SAMD12: variants seen among roughly 807,000 people sequenced by gnomAD.
SAMD12 encodes the protein sterile alpha motif domain-containing protein 12.
SAMD12 carries 9 observed loss-of-function variants against 15.0 expected under a neutral mutation model. That is an observed-to-expected ratio of 0.60 (90% CI 0.36 to 1.05). SAMD12 has a LOEUF of 1.05. Ranked by LOEUF, SAMD12 falls within the 50% of genes least tolerant of loss-of-function variation. The probability of loss-of-function intolerance (pLI) is 0.01; values close to 1 mark genes in which losing one functional copy is unlikely to be tolerated. For synonymous variants in SAMD12, 86 were observed against 90.1 expected (o/e 0.96, Z 0.25); for missense variants, 230 against 234.2 (o/e 0.98, Z 0.12).
chr8:118,411,804 C>CTG (rs997228580), intron 3 of SAMD12, among the ~76,000 whole-genome samples: 2 of 152,066 alleles, frequency 1.3e-5, no homozygotes, highest in African/African-American at 4.8e-5. Context: ...GCTAAAAACA[C>CTG]TGTGTGACAA....
At chr8:118,272,914 G>C (rs1813400491) in intron 4 of SAMD12, among the ~76,000 whole-genome samples, 1 of 152,198 alleles carries the variant, frequency 6.6e-6, no homozygotes, top group African/African-American at 2.4e-5. Flanking sequence ...TGTGTAGGAA[G>C]TTCCAAATGT....
In SAMD12 at chr8:118,293,018, A is replaced by T. The variant is rs374068255; in HGVS notation, c.433+86542T>A. Among the ~76,000 whole-genome samples, 1,007 of 152,148 alleles carry T rather than the reference A, an allele frequency of 6.6e-3. 13 individuals carry two copies. Among genetic ancestry groups the T allele is most frequent in the African/African-American group, 0.023 (960 of 41,524 alleles). On this transcript the variant is annotated intron_variant, in intron 4 of 4. Transcript: ENST00000409003. ...TATACATATGTAACTAACCTGCACA[A>T]TGTGCACATGTACCCTAAAACTTAA...
rs534801561 is a variant in SAMD12 at position 118,226,996 on chromosome 8, C to T, written c.434-29264G>A. ...ATAGGCTTTCAGGGCTACTATTCAA[C>T]CTAGCAGTCCAATTACTGGGTATAT... is the stretch of plus-strand genomic sequence containing the variant. On this transcript the variant is annotated intron_variant, in intron 4 of 4. Transcript: ENST00000409003. 2.6e-5 allele frequency among the ~76,000 whole-genome samples: 4 copies of T among 152,274 alleles called. No homozygotes were observed. In the South Asian group the frequency reaches 6.2e-4, roughly 24 times the overall value.
intron 4 of SAMD12, among the ~76,000 whole-genome samples, chr8:118,220,982 T>C (rs1308759826): frequency 6.6e-6 from 1 of 151,920 alleles, no homozygotes; most frequent in African/African-American, 2.4e-5. Context: ...AATACGAAGA[T>C]ATGAAGGCCT....
Position 118,439,855 on chromosome 8 carries a change from G to T in SAMD12, c.299C>A (p.Ser100Ter). The change falls in exon 3 of 4, where the codon TCA becomes TAA. Residue 100 changes from serine to a stop codon, truncating the protein, a stop_gained. Transcript: ENST00000314727. LOFTEE classifies it low-confidence loss of function (END_TRUNC). ...ACCAGTTATGTCATGCTGTTTGAAT[G>T]ACTCACTGTAGATCTGATACTGATT... is the stretch of plus-strand genomic sequence containing the variant. ...CPNQYQIYSESFKQHDITGRA... is the reference protein window; with the variant it reads ...CPNQYQIYSE The T allele has an allele frequency of 6.2e-7, 1 of 1,613,410 alleles. No individual in the cohort carries two copies. The highest frequency in any genetic ancestry group is 1.1e-5 in the South Asian group (1 of 91,054).
intron 4 of SAMD12, among the ~76,000 whole-genome samples, chr8:118,236,166 G>A (rs1216676995): frequency 1.3e-5 from 2 of 152,100 alleles, no homozygotes; most frequent in African/African-American, 4.8e-5. Flanking sequence ...TTCTACAAAT[G>A]CCACACTGCA....
intron 2 of SAMD12, among the ~76,000 whole-genome samples, chr8:118,554,199 C>G (rs1826446172): frequency 1.3e-5 from 2 of 152,122 alleles, no homozygotes; most frequent in Non-Finnish European, 2.9e-5. Context: ...ACCCAAAGGC[C>G]TATAAATCAG....
At chr8:118,279,633 C>A (rs574510964) in intron 4 of SAMD12, among the ~76,000 whole-genome samples, 1 of 152,216 alleles carries the variant, frequency 6.6e-6, no homozygotes, top group Non-Finnish European at 1.5e-5. Context: ...GAACTGAAAT[C>A]GTGAATATGC....
chr8:118,250,773 G>C (rs1812802707), intron 4 of SAMD12, among the ~76,000 whole-genome samples: 1 of 151,922 alleles, frequency 6.6e-6, no homozygotes, highest in Admixed American at 6.6e-5. Flanking sequence ...CCAAAGTGCT[G>C]GGATTACAGG....
intron 3 of SAMD12, among the ~76,000 whole-genome samples, chr8:118,400,797 C>G (rs1026910567): frequency 6.6e-6 from 1 of 152,088 alleles, no homozygotes; most frequent in Non-Finnish European, 1.5e-5. Flanking sequence ...CAGGAGACAG[C>G]CTTTGTCAAA....
intron 3 of SAMD12, among the ~76,000 whole-genome samples, chr8:118,384,006 A>C (rs755082154): frequency 1.3e-5 from 2 of 152,118 alleles, no homozygotes; most frequent in Admixed American, 6.6e-5. Context: ...AAAAAGCAGA[A>C]TGAAGGGGCA....
chr8:118,429,771 A>G (rs1822341267), intron 3 of SAMD12, among the ~76,000 whole-genome samples: 1 of 152,062 alleles, frequency 6.6e-6, no homozygotes, highest in Non-Finnish European at 1.5e-5. Flanking sequence ...GCAGATGCCT[A>G]TAATCCCAGC....
intron 3 of SAMD12, among the ~76,000 whole-genome samples, chr8:118,427,955 G>C (rs1822283170): frequency 1.3e-5 from 2 of 152,142 alleles, no homozygotes; most frequent in Admixed American, 1.3e-4. Context: ...CTTGGTATGG[G>C]AATTTAAGCC....
At position 118,621,926 on chromosome 8, in the gene SAMD12, C is replaced by T. The variant is rs1828423159; in HGVS notation, c.-110G>A. 1.5e-6 allele frequency: 2 copies of T among 1,311,192 alleles called. No homozygotes were observed. Among genetic ancestry groups the T allele is most frequent in the Admixed American group, 1.7e-5 (1 of 58,954 alleles). 81.2% of individuals were successfully genotyped at this position (1,311,192 alleles called of 1,614,324 possible). A position where few individuals can be genotyped will look rare whatever the true frequency, so the allele number is the denominator to read the frequency against. On this transcript the variant is annotated 5_prime_UTR_variant, in exon 1 of 4. Transcript: ENST00000314727. ...CGCCTAAATATTCTGCGCTTATCTG[C>T]TCCAGGACCAACCTGCCGCGGTCAC...
chr8:118,181,461 C>T, the SAMD12 span, among the ~76,000 whole-genome samples: 1 of 152,192 alleles, frequency 6.6e-6, no homozygotes, highest in Non-Finnish European at 1.5e-5. Flanking sequence ...CACAACAGGG[C>T]AGCCAATTAG....
intron 3 of SAMD12, among the ~76,000 whole-genome samples, chr8:118,416,537 A>G (rs924548878): frequency 3.3e-5 from 5 of 152,238 alleles, no homozygotes; most frequent in Admixed American, 1.3e-4. Context: ...TGCTAGTTGA[A>G]ATAAATATTG....
chr8:118,262,458 T>A (rs1482008861), intron 4 of SAMD12, among the ~76,000 whole-genome samples: 1 of 152,122 alleles, frequency 6.6e-6, no homozygotes, highest in Non-Finnish European at 1.5e-5. Context: ...TGACTGTCTC[T>A]TTAAATGTTA....
Position 118,378,454 on chromosome 8 carries a change from T to A in SAMD12, c.*963A>T. Reference sequence around the variant, plus strand: ...GAGGACAAAATGCAAATAATGCATATGAGACAAACAATACTATTTTACGAT... The same window carrying A: ...GAGGACAAAATGCAAATAATGCATAAGAGACAAACAATACTATTTTACGAT... On this transcript the variant is annotated 3_prime_UTR_variant, in exon 4 of 4. Coordinates refer to ENST00000314727, the MANE Select transcript of SAMD12 (RefSeq NM_207506.3). 1.0e-6 allele frequency: 1 copy of A among 983,132 alleles called. No individual in the cohort carries two copies. 60.9% of individuals were successfully genotyped at this position (983,132 alleles called of 1,614,324 possible). A position where few individuals can be genotyped will look rare whatever the true frequency, so the allele number is the denominator to read the frequency against.
chr8:118,375,488 TA>T (rs1172549740), downstream of SAMD12, among the ~76,000 whole-genome samples: 1 of 152,312 alleles, frequency 6.6e-6, no homozygotes, highest in South Asian at 2.1e-4. Flanking sequence ...AGGATTATTA[TA>T]AATGTATGAG....
Sources: gnomAD v4.1 joint callset for allele counts (sites outside exome capture counted in the v4.1 genomes callset) on GRCh38, gnomAD v4.1.1 for gene constraint, MANE v1.5 for transcripts, NCBI Gene and HGNC (gene_info 2026-07-23, HGNC 2026-07-21) for gene names.